The following RTCA variants were observed in gnomAD, a reference collection of about 807,000 sequenced individuals.
RTCA encodes the protein RNA 3'-terminal phosphate cyclase, also known as RNA terminal phosphate cyclase domain 1.
In RTCA, 37 loss-of-function variants were observed where a neutral mutation model predicts 46.1. That is an observed-to-expected ratio of 0.80 (90% confidence interval 0.62 to 1.06). RTCA has a LOEUF of 1.06. Among genes scored for constraint, RTCA ranks in the 50% least tolerant of loss-of-function variants. The pLI is 0.00. For missense variants in RTCA, 435 were observed against 455.5 expected (o/e 0.95, Z 0.41); for synonymous variants, 164 against 158.3 (o/e 1.04, Z -0.27).
chr1:100,274,995 AAT>A, intron 6 of RTCA, 30 bp downstream of exon 6: 2 of 1,561,492 alleles, frequency 1.3e-6, no homozygotes, highest in East Asian at 2.3e-5. Flanking sequence ...TTAGAAATAA[AAT>A]ATATGTGTGT....
At chr1:100,271,826 C>T (rs1349945689) in intron 4 of RTCA, among the ~76,000 whole-genome samples, 5 of 152,196 alleles carry the variant, frequency 3.3e-5, no homozygotes, top group Admixed American at 1.3e-4. Context: ...CTAAAAAATT[C>T]CCTTATACGT....
intron 9 of RTCA, among the ~76,000 whole-genome samples, chr1:100,286,448 C>T (rs1667031185): frequency 7.5e-6 from 1 of 132,670 alleles, no homozygotes; most frequent in South Asian, 2.4e-4. Flanking sequence ...GAGCAAGACT[C>T]CGTCTCAAAA....
chr1:100,291,291 G>T, intron 10 of RTCA, 112 bp from the exon 11 acceptor site: 1 of 643,290 alleles, frequency 1.6e-6, no homozygotes, highest in Non-Finnish European at 2.7e-6. Context: ...GTCTCTGTAG[G>T]TTTTTCAATA....
chr1:100,277,179 T>A lies in RTCA; in HGVS notation c.741-79T>A. 4 of 1,321,546 alleles carry A rather than the reference T, an allele frequency of 3.0e-6. No individual in the cohort carries two copies. In the South Asian group the frequency reaches 4.8e-5, roughly 16 times the overall value. The allele number at this position is 1,321,546 out of a possible 1,614,324, so 81.9% of individuals were successfully genotyped here. On this transcript the variant is annotated intron_variant, in intron 7 of 10. Transcript: ENST00000370128. ...AGATTTAGTTCTGCCTATTTAATAG[T>A]CATTGTTCTCTTTTGTTGTATTTGC...
At chr1:100,286,422 T>A (rs1451547040) in intron 9 of RTCA, among the ~76,000 whole-genome samples, 2 of 118,112 alleles carry the variant, frequency 1.7e-5, no homozygotes, top group African/African-American at 6.9e-5. Context: ...GCCACTGCAC[T>A]CCAGCCTGGG....
intron 8 of RTCA, among the ~76,000 whole-genome samples, chr1:100,279,209 A>C (rs1666556641): frequency 6.6e-6 from 1 of 152,218 alleles, no homozygotes; most frequent in African/African-American, 2.4e-5. Context: ...TGGTTACCAA[A>C]TGTGCCAGGT....
At chr1:100,286,408 A>G (rs944198133) in intron 9 of RTCA, among the ~76,000 whole-genome samples, 2 of 140,098 alleles carry the variant, frequency 1.4e-5, no homozygotes, top group African/African-American at 5.4e-5. Context: ...TGAGCCGAGA[A>G]TGCGCCACTG....
At chr1:100,279,824 T>C (rs1243556543) in intron 8 of RTCA, among the ~76,000 whole-genome samples, 1 of 152,100 alleles carries the variant, frequency 6.6e-6, no homozygotes, top group Non-Finnish European at 1.5e-5. Flanking sequence ...TGCAAGTGGA[T>C]AATAGATCTG....
intron 2 of RTCA, chr1:100,266,913 A>C (rs1353684402): frequency 2.2e-6 from 1 of 449,418 alleles, no homozygotes; most frequent in Admixed American, 3.5e-5. Context: ...CGGGCATTCC[A>C]AATATCCGAA....
rs559851890 is a variant in RTCA at position 100,268,447 on chromosome 1, G to A, written c.290+152G>A. 6.4e-5 allele frequency: 41 copies of A among 641,174 alleles called. No individual in the cohort carries two copies. In the South Asian group the frequency reaches 6.4e-4, roughly 10 times the overall value. The allele number at this position is 641,174 out of a possible 1,614,324, so 39.7% of individuals were successfully genotyped here. On this transcript the variant is annotated intron_variant, in intron 3 of 10. Coordinates refer to ENST00000370128, the MANE Select transcript of RTCA (RefSeq NM_003729.4). Reference sequence around the variant, plus strand: ...AGGTATCCCTCTTGCCCAGGCGGGGGTGCAGTGGTGCAATCACTGCTCACT... The same window carrying A: ...AGGTATCCCTCTTGCCCAGGCGGGGATGCAGTGGTGCAATCACTGCTCACT...
intron 8 of RTCA, among the ~76,000 whole-genome samples, chr1:100,283,922 T>TAAAAAAAAAAAAAAAAAAA (rs562483681): frequency 5.3e-4 from 6 of 11,314 alleles, no homozygotes; most frequent in South Asian, 4.4e-3. Context: ...ACCTAGTCGC[T>TAAAAAAAAAAAAAAAAAAA]AAAAAAAAAA....
At chr1:100,285,438 T>A in intron 9 of RTCA, 116 bp downstream of exon 9, 1 of 663,736 alleles carries the variant, frequency 1.5e-6, no homozygotes, top group Non-Finnish European at 2.6e-6. Context: ...CCTACTTCAA[T>A]AATTTAAAAA....
At chr1:100,267,608 G>T in intron 2 of RTCA, 1 of 1,473,514 alleles carries the variant, frequency 6.8e-7, no homozygotes, top group Non-Finnish European at 9.1e-7. Context: ...TTCACATGGT[G>T]GTTCCTCTGT....
intron 10 of RTCA, among the ~76,000 whole-genome samples, chr1:100,289,902 A>G (rs1667259602): frequency 1.3e-5 from 2 of 152,204 alleles, no homozygotes; most frequent in South Asian, 2.1e-4. Flanking sequence ...TCAGGTCTAC[A>G]TATTTGTAGT....
intron 8 of RTCA, among the ~76,000 whole-genome samples, chr1:100,284,092 T>C (rs1350272452): frequency 6.6e-6 from 1 of 152,018 alleles, no homozygotes; most frequent in African/African-American, 2.4e-5. Flanking sequence ...TTTTCATTTT[T>C]CATAAGACGT....
intron 10 of RTCA, among the ~76,000 whole-genome samples, chr1:100,290,017 A>G (rs761158140): frequency 1.1e-4 from 16 of 152,352 alleles, no homozygotes; most frequent in Admixed American, 3.3e-4. Context: ...ACGCATGCAT[A>G]TATTACTAAT....
chr1:100,287,693 T>C (rs1262217061), intron 10 of RTCA, among the ~76,000 whole-genome samples: 8 of 152,174 alleles, frequency 5.3e-5, no homozygotes, highest in African/African-American at 1.9e-4. Context: ...TTGAAACTAA[T>C]ATTCACTGTC....
chr1:100,270,962 T>C (rs1666059073), intron 4 of RTCA, among the ~76,000 whole-genome samples: 1 of 151,796 alleles, frequency 6.6e-6, no homozygotes, highest in Non-Finnish European at 1.5e-5. Flanking sequence ...CCAGCCAATT[T>C]TTTTAAATTT....
rs112224278 is a variant in RTCA, at chr1:100,286,315, G to A, written c.895-784G>A. On this transcript the variant is annotated intron_variant, in intron 9 of 10. Transcript: ENST00000370128. ...AAAAAATACAAAAAATTAGCCGGGC[G>A]TGGTGGCGGGTGCCTGTAGTCGTAG... Among the ~76,000 whole-genome samples the A allele has an allele frequency of 9.4e-3, 1,432 of 151,998 alleles. 19 individuals carry two copies. Among genetic ancestry groups the A allele is most frequent in the South Asian group, 0.032 (155 of 4,822 alleles).
Sources: gnomAD v4.1 joint callset for allele counts (sites outside exome capture counted in the v4.1 genomes callset) on GRCh38, gnomAD v4.1.1 for gene constraint, MANE v1.5 for transcripts, NCBI Gene and HGNC (gene_info 2026-07-23, HGNC 2026-07-21) for gene names.